Variants in FREM2 observed in about 807,000 individuals in gnomAD.
FREM2 encodes FRAS1-related extracellular matrix protein 2.
FREM2 carries 119 observed loss-of-function variants against 219.9 expected under a neutral mutation model. The ratio of observed to expected loss-of-function variants is 0.54; its 90% CI spans 0.47 to 0.63. The LOEUF (loss-of-function observed/expected upper bound fraction) is 0.63. Ranked by LOEUF, FREM2 falls within the 30% of genes least tolerant of loss-of-function variation. The pLI is 0.00. For missense variants in FREM2, 4,030 were observed against 3,993.6 expected (o/e 1.01, Z -0.25); for synonymous variants, 1,562 against 1,522.8 (o/e 1.03, Z -0.60).
At chr13:38,699,064 G>T (rs1870238747) in intron 2 of FREM2, among the ~76,000 whole-genome samples, 1 of 152,106 alleles carries the variant, frequency 6.6e-6, no homozygotes, top group Non-Finnish European at 1.5e-5. Flanking sequence ...CTGCTCAAAT[G>T]GGAAATTCTA....
In FREM2 at chr13:38,854,148, GA is replaced by G. The variant is rs1330335771; in HGVS notation, c.6926-1971del. ...AAAAAACCAGAAAAAATTAAATATA[GA>G]AAAAAAGTTGAAATTTTTTCATGCT... On this transcript the variant is annotated intron_variant, in intron 11 of 23. Coordinates refer to ENST00000280481, the MANE Select transcript of FREM2 (RefSeq NM_207361.6). Among the ~76,000 whole-genome samples the G allele has an allele frequency of 4.7e-5, 7 of 149,182 alleles. No individual in the cohort carries two copies. The East Asian group carries it at 9.7e-4, about 21-fold the overall frequency.
intron 2 of FREM2, among the ~76,000 whole-genome samples, chr13:38,712,650 TCACACACA>T (rs58097045): frequency 1.2e-3 from 173 of 149,068 alleles, no homozygotes; most frequent in Non-Finnish European, 1.1e-3. Flanking sequence ...TTTCTCTCTC[TCACACACA>T]CACACACACA....
At chr13:38,742,562 A>G (rs1203802243) in intron 2 of FREM2, among the ~76,000 whole-genome samples, 1 of 152,100 alleles carries the variant, frequency 6.6e-6, no homozygotes, top group African/African-American at 2.4e-5. Flanking sequence ...AGCCTTTTAC[A>G]CTTGTCCATT....
chr13:38,771,157 C>G (rs1873647079), intron 4 of FREM2, among the ~76,000 whole-genome samples: 1 of 152,280 alleles, frequency 6.6e-6, no homozygotes, highest in Admixed American at 6.5e-5. Flanking sequence ...GTTTAACTAA[C>G]AACTCTGCCT....
Position 38,880,677 on chromosome 13 carries a change from A to C in FREM2, c.9400A>C (p.Met3134Leu), listed in dbSNP as rs1420792772. ...TICLTVIAVL[M>L]CRGKESFRGK... ...CTGCCTCACTGTCATTGCAGTGCTG[A>C]TGTGCAGGGGCAAGGAAAGTTTCAG... is the stretch of plus-strand genomic sequence containing the variant. The change falls in exon 24 of 24, where the codon ATG becomes CTG. Residue 3134 changes from methionine to leucine, a missense_variant. This residue lies in a region of FREM2 where 928 missense variants were observed against 1,042.9 expected (regional missense o/e 0.89). Transcript: ENST00000280481. The C allele has an allele frequency of 3.1e-6, 5 of 1,614,172 alleles. No individual in the cohort carries two copies. The South Asian group carries it at 3.3e-5, about 11-fold the overall frequency.
At chr13:38,699,048 A>G (rs1304812571) in intron 2 of FREM2, among the ~76,000 whole-genome samples, 1 of 152,192 alleles carries the variant, frequency 6.6e-6, no homozygotes, top group Admixed American at 6.5e-5. Flanking sequence ...ACCTTCTTGA[A>G]TTTTGCTGCT....
chr13:38,696,695 A>C (rs1870120135), intron 1 of FREM2, among the ~76,000 whole-genome samples: 1 of 152,246 alleles, frequency 6.6e-6, no homozygotes, highest in African/African-American at 2.4e-5. Context: ...TAAGTTTTAA[A>C]AATTGTGTCT....
chr13:38,781,692 A>AGCCTT, intron 4 of FREM2, among the ~76,000 whole-genome samples: 7 of 152,202 alleles, frequency 4.6e-5, no homozygotes, highest in African/African-American at 1.7e-4. Context: ...CCAGGAGAAA[A>AGCCTT]CAAATAGCAC....
intron 2 of FREM2, among the ~76,000 whole-genome samples, chr13:38,717,510 G>A (rs1871058500): frequency 1.4e-5 from 2 of 141,654 alleles, no homozygotes; most frequent in African/African-American, 5.2e-5. Context: ...TCTACCTCTG[G>A]GGTTCAAGTG....
At chr13:38,842,348 A>G (rs1876993047) in intron 6 of FREM2, among the ~76,000 whole-genome samples, 2 of 152,178 alleles carry the variant, frequency 1.3e-5, no homozygotes, top group African/African-American at 4.8e-5. Flanking sequence ...GGTTGCTGGG[A>G]AAACTCAAAT....
intron 12 of FREM2, 61 bp from the exon 13 acceptor site, chr13:38,857,814 T>C: frequency 7.2e-7 from 1 of 1,382,174 alleles, no homozygotes. Context: ...TTGTTCTGTG[T>C]GGTAGAAGCA....
intron 2 of FREM2, among the ~76,000 whole-genome samples, chr13:38,709,975 C>T (rs981372249): frequency 7.0e-6 from 1 of 142,320 alleles, no homozygotes; most frequent in Non-Finnish European, 1.5e-5. Flanking sequence ...AAAAATTAGT[C>T]TAACTAAAAA....
Position 38,764,607 on chromosome 13 carries a change from C to T in FREM2, c.5410+157C>T, listed in dbSNP as rs181646599. Among the ~76,000 whole-genome samples, 10 of 152,294 alleles carry T rather than the reference C, an allele frequency of 6.6e-5. 1 individual carries two copies. The highest frequency in any genetic ancestry group is 2.4e-4 in the African/African-American group (10 of 41,554). ...AAAGAAACAAGCAACAGGTTTGTGT[C>T]AAGGTACTTATCTCTTCAAGCCTTC... On this transcript the variant is annotated intron_variant, in intron 3 of 23. Transcript: ENST00000280481.
intron 15 of FREM2, among the ~76,000 whole-genome samples, chr13:38,862,255 C>T (rs1877788305): frequency 6.6e-6 from 1 of 152,174 alleles, no homozygotes; most frequent in Non-Finnish European, 1.5e-5. Flanking sequence ...TAGAATCTAC[C>T]TCCCCCAGAA....
At chr13:38,839,392 CTG>C (rs1234803150) in intron 6 of FREM2, among the ~76,000 whole-genome samples, 1 of 152,170 alleles carries the variant, frequency 6.6e-6, no homozygotes, top group Non-Finnish European at 1.5e-5. Flanking sequence ...TATGAGGTGT[CTG>C]TCAACCCCTG....
At chr13:38,846,514 T>C in intron 6 of FREM2, 59 bp from the exon 7 acceptor site, 3 of 1,557,554 alleles carry the variant, frequency 1.9e-6, no homozygotes, top group Admixed American at 1.7e-5. Context: ...AGCATGTCAA[T>C]AGAGTTTGAT....
At position 38,876,026 on chromosome 13, in the gene FREM2, C is replaced by A; in HGVS notation, c.8286C>A (p.Ser2762=). ...HGLFVLSHPA[S]FTSSVIMSAD... ...TAATTACTGGCACTTTCCTAGCATC[C>A]TTTACAAGCTCAGTGATCATGTCAG... Residue 2762 remains serine (S), a synonymous_variant, in exon 19 of 24, where the codon TCC becomes TCA. Coordinates refer to ENST00000280481, the MANE Select transcript of FREM2 (RefSeq NM_207361.6). 1 of 1,613,690 alleles carries A rather than the reference C, an allele frequency of 6.2e-7. No homozygotes were observed. The highest frequency in any genetic ancestry group is 8.5e-7 in the Non-Finnish European group (1 of 1,179,612).
chr13:38,745,016 G>A (rs557966685), intron 2 of FREM2, among the ~76,000 whole-genome samples: 1 of 152,178 alleles, frequency 6.6e-6, no homozygotes, highest in African/African-American at 2.4e-5. Context: ...TATATATTCT[G>A]GCCCTTGTTT....
intron 18 of FREM2, among the ~76,000 whole-genome samples, chr13:38,874,855 G>T (rs894075311): frequency 6.6e-6 from 1 of 152,118 alleles, no homozygotes; most frequent in Non-Finnish European, 1.5e-5. Flanking sequence ...TTTAAGTAAA[G>T]TTTTCCTTAA....
Sources: gnomAD v4.1 joint callset for allele counts (sites outside exome capture counted in the v4.1 genomes callset) on GRCh38, gnomAD v4.1.1 for gene constraint, gnomAD v4.1.1 regional missense constraint, MANE v1.5 for transcripts, NCBI Gene and HGNC (gene_info 2026-07-23, HGNC 2026-07-21) for gene names.